Variants in IFI27 observed in about 807,000 individuals in gnomAD.
IFI27 encodes interferon alpha-inducible protein 27, mitochondrial.
IFI27 carries 3 observed loss-of-function variants against 8.9 expected under a neutral mutation model. The observed-to-expected ratio is 0.34, with a 90% CI of 0.15 to 0.87. IFI27 has a LOEUF of 0.87. Among genes scored for constraint, IFI27 ranks in the 40% least tolerant of loss-of-function variants. IFI27 has a pLI of 0.51. For missense variants in IFI27, 152 were observed against 157.7 expected (o/e 0.96, Z 0.19); for synonymous variants, 66 against 67.3 (o/e 0.98, Z 0.09).
Position 94,115,765 on chromosome 14 carries a change from C to T in IFI27, c.122-16C>T. ...CTTCTGAGCCCACGCACCGACCCAG[C>T]TCCTCTTCCCTGCAGTTGTGGCCAT... is the stretch of plus-strand genomic sequence containing the variant. On this transcript the variant is annotated splice_polypyrimidine_tract_variant and intron_variant, in intron 3 of 4. Coordinates refer to ENST00000621160, the Ensembl canonical transcript of IFI27. 6.3e-7 allele frequency: 1 copy of T among 1,599,424 alleles called. No individual in the cohort carries two copies. The highest frequency in any genetic ancestry group is 8.5e-7 in the Non-Finnish European group (1 of 1,174,556).
chr14:94,114,573 TAAC>T, intron 2 of IFI27: 1 of 498,128 alleles, frequency 2.0e-6, no homozygotes, highest in Non-Finnish European at 3.6e-6. Context: ...AAAGAAAAGA[TAAC>T]ATCTGATTCC....
upstream of IFI27, among the ~76,000 whole-genome samples, chr14:94,110,015 G>A (rs1358952027): frequency 6.6e-6 from 1 of 152,178 alleles, no homozygotes; most frequent in Non-Finnish European, 1.5e-5. Context: ...CACAGGGCCT[G>A]GATCCCTGTT....
Position 94,111,283 on chromosome 14 carries a change from G to C in IFI27, c.-58-342G>C, listed in dbSNP as rs1399443580. ...CTGTATATGCCTTAAAAATGCGATTGGTTCTGATTTCTTAGTTTTGGTGCT... is the reference window on the plus strand; with the variant it reads ...CTGTATATGCCTTAAAAATGCGATTCGTTCTGATTTCTTAGTTTTGGTGCT... On this transcript the variant is annotated intron_variant, in intron 1 of 4. Coordinates refer to ENST00000621160, the Ensembl canonical transcript of IFI27. This position sits in a 1 kb window ranked among gnomAD's most constrained non-coding sequence, Gnocchi z 4.3. Among the ~76,000 whole-genome samples, 1 of 152,158 alleles carries C rather than the reference G, an allele frequency of 6.6e-6. No individual in the cohort carries two copies. The highest frequency in any genetic ancestry group is 1.5e-5 in the Non-Finnish European group (1 of 68,028).
At chr14:94,109,837 T>C (rs1039367816), upstream of IFI27, among the ~76,000 whole-genome samples, 1 of 152,208 alleles carries the variant, frequency 6.6e-6, no homozygotes, top group African/African-American at 2.4e-5. Flanking sequence ...AAATGTACAT[T>C]CCAGGACCTG....
chr14:94,116,533 T>C lies in IFI27; in HGVS notation c.*6T>C. Reference sequence around the variant, plus strand: ...TCATTGCGAGGTTCTACTAGCTCCCTGCCCCTCGCCCTGCAGAGAAGAGAA... The same window carrying C: ...TCATTGCGAGGTTCTACTAGCTCCCCGCCCCTCGCCCTGCAGAGAAGAGAA... On this transcript the variant is annotated 3_prime_UTR_variant, in exon 5 of 5. Coordinates refer to ENST00000621160, the Ensembl canonical transcript of IFI27. The surrounding 1 kb of genome is among the most constrained non-coding windows in gnomAD (Gnocchi z 4.3). 1.2e-6 allele frequency: 2 copies of C among 1,607,262 alleles called. No individual in the cohort carries two copies. The highest frequency in any genetic ancestry group is 1.7e-6 in the Non-Finnish European group (2 of 1,175,790).
chr14:94,113,008 T>G (rs1188315405), intron 2 of IFI27: 1 of 152,250 alleles, frequency 6.6e-6, no homozygotes, highest in Non-Finnish European at 1.5e-5. Flanking sequence ...CGCTTTTATG[T>G]TCTAGTCACT....
rs912573815 is a variant in IFI27 at position 94,111,540 on chromosome 14, T to G, written c.-58-85T>G. 9 of 678,186 alleles carry G rather than the reference T, an allele frequency of 1.3e-5. No individual in the cohort carries two copies. The highest frequency in any genetic ancestry group is 6.5e-5 in the Admixed American group (3 of 46,456). The allele number at this position is 678,186 out of a possible 1,614,324, so 42.0% of individuals were successfully genotyped here. ...GCTCAGAGCAGCCTCCCTAGCCCCC[T>G]GGAGCCCGTCACATTTTTCAGGACA... On this transcript the variant is annotated intron_variant, in intron 1 of 4. Transcript: ENST00000621160. This position sits in a 1 kb window ranked among gnomAD's most constrained non-coding sequence, Gnocchi z 4.3.
chr14:94,114,716 G>T, intron 2 of IFI27, 135 bp from the exon 3 acceptor site: 1 of 802,044 alleles, frequency 1.2e-6, no homozygotes. Context: ...GCAAAGAGCG[G>T]TAGACAGGAG....
At chr14:94,113,607 C>T (rs1018595915) in intron 2 of IFI27, 3 of 152,234 alleles carry the variant, frequency 2.0e-5, no homozygotes, top group African/African-American at 7.2e-5. Context: ...GCTACTCCGC[C>T]GTATGAATGC....
At position 94,115,960 on chromosome 14, in the gene IFI27, G is replaced by A. The variant is rs1358858259; in HGVS notation, c.283+18G>A. ...GTCACTGGGTAAGTATCCTGGCGGGGCTTGCTGGGGAGGGCGATGAGGAGG... is the reference window on the plus strand; with the variant it reads ...GTCACTGGGTAAGTATCCTGGCGGGACTTGCTGGGGAGGGCGATGAGGAGG... On this transcript the variant is annotated intron_variant, in intron 4 of 4. Transcript: ENST00000621160. The A allele has an allele frequency of 6.4e-7, 1 of 1,559,598 alleles. No individual in the cohort carries two copies. Among genetic ancestry groups the A allele is most frequent in the Non-Finnish European group, 8.7e-7 (1 of 1,151,632 alleles).
At chr14:94,108,448 C>G (rs976143544), upstream of IFI27, among the ~76,000 whole-genome samples, 1 of 152,160 alleles carries the variant, frequency 6.6e-6, no homozygotes, top group African/African-American at 2.4e-5. Context: ...ATTGTTCCAT[C>G]CAGAAGTGAT....
exon 4 of IFI27, chr14:94,115,793 C>G: frequency 1.6e-6 from 1 of 641,194 alleles, no homozygotes. Flanking sequence ...GTGGCCATGG[C>G]GGCTGTGCCC....
chr14:94,111,676 A>G lies in IFI27; in HGVS notation c.-7A>G, dbSNP rs756894747. 3 of 1,613,274 alleles carry G rather than the reference A, an allele frequency of 1.9e-6. No homozygotes were observed. The highest frequency in any genetic ancestry group is 2.2e-5 in the East Asian group (1 of 44,890). On this transcript the variant is annotated 5_prime_UTR_variant, in exon 2 of 5. Transcript: ENST00000621160. The surrounding 1 kb of genome is among the most constrained non-coding windows in gnomAD (Gnocchi z 4.3). Reference sequence around the variant, plus strand: ...CTCTCTAGGCCACGGAATTAACCCGAGCAGGCATGGAGGCCTCTGCTCTCA... The same window carrying G: ...CTCTCTAGGCCACGGAATTAACCCGGGCAGGCATGGAGGCCTCTGCTCTCA...
At chr14:94,109,375 G>A (rs142225779), upstream of IFI27, among the ~76,000 whole-genome samples, 339 of 150,534 alleles carry the variant, frequency 2.3e-3, 1 homozygote, top group African/African-American at 7.9e-3. Context: ...GAGAAGGGCA[G>A]GGAAGGGCAA....
chr14:94,107,828 A>G (rs1223977231), upstream of IFI27, among the ~76,000 whole-genome samples: 1 of 152,076 alleles, frequency 6.6e-6, no homozygotes, highest in East Asian at 1.9e-4. Flanking sequence ...AACATTTCCT[A>G]CTTTGGAGGA....
upstream of IFI27, among the ~76,000 whole-genome samples, chr14:94,108,851 A>G (rs147640979): frequency 8.5e-3 from 1,289 of 152,306 alleles, 5 homozygotes; most frequent in South Asian, 0.016. Context: ...CACAACATAA[A>G]TATGGACCAG....
rs1887380641 is a variant in IFI27, at chr14:94,115,870, A to C, written c.211A>C (p.Met71Leu). 1 of 1,602,158 alleles carries C rather than the reference A, an allele frequency of 6.2e-7. No individual in the cohort carries two copies. Among genetic ancestry groups the C allele is most frequent in the Non-Finnish European group, 8.5e-7 (1 of 1,173,914 alleles). ...CTCGTCCTCCATAGCAGCCAAGATGATGTCCGCGGCGGCCATTGCCAATGG... is the reference window on the plus strand; with the variant it reads ...CTCGTCCTCCATAGCAGCCAAGATGCTGTCCGCGGCGGCCATTGCCAATGG... Residue 71 changes from methionine to leucine, a missense_variant, in exon 4 of 5, where the codon ATG (methionine) becomes CTG (leucine). By Grantham distance (15) the Met-to-Leu change is conservative (BLOSUM62 2). Transcript: ENST00000621160.
upstream of IFI27, chr14:94,105,960 T>A (rs1201140534): frequency 6.6e-6 from 1 of 152,224 alleles, no homozygotes; most frequent in Admixed American, 6.5e-5. Context: ...TTAGGCCGTT[T>A]GCACTGCTGT....
chr14:94,111,612 A>C lies in IFI27; in HGVS notation c.-58-13A>C. ...GTGCCCATCCCGTCCTCAGAGCTCC[A>C]TCCCTTCGGCAGGTCTGGCTGAAGT... On this transcript the variant is annotated splice_polypyrimidine_tract_variant and intron_variant, in intron 1 of 4. Transcript: ENST00000621160. The surrounding 1 kb of genome is among the most constrained non-coding windows in gnomAD (Gnocchi z 4.3). The C allele has an allele frequency of 7.7e-7, 1 of 1,292,806 alleles. No individual in the cohort carries two copies. The highest frequency in any genetic ancestry group is 1.1e-6 in the Non-Finnish European group (1 of 888,998). The allele number at this position is 1,292,806 out of a possible 1,614,324, so 80.1% of individuals were successfully genotyped here.
Sources: gnomAD v4.1 joint callset for allele counts (sites outside exome capture counted in the v4.1 genomes callset) on GRCh38, gnomAD v4.1.1 for gene constraint, Gnocchi (gnomAD v3.1) non-coding constraint, MANE v1.5 for transcripts, NCBI Gene and HGNC (gene_info 2026-07-23, HGNC 2026-07-21) for gene names.